OPALIN: variants seen among roughly 807,000 people sequenced by gnomAD.
OPALIN encodes transmembrane protein 10.
A neutral mutation model predicts 17.8 loss-of-function variants in OPALIN; 15 were observed. The observed-to-expected ratio is 0.84, with a 90% CI of 0.56 to 1.29. The LOEUF is 1.29. Ranked by LOEUF, OPALIN falls within the 50% of genes most tolerant of loss-of-function variation. The pLI is 0.00. For synonymous variants in OPALIN, 62 were observed against 63.8 expected, an observed-to-expected ratio of 0.97 and a Z score of 0.14; for missense variants, 170 against 176.0, an observed-to-expected ratio of 0.97 and a Z score of 0.19.
intron 4 of OPALIN, among the ~76,000 whole-genome samples, chr10:96,349,414 C>T (rs1320417392): frequency 6.6e-6 from 1 of 152,208 alleles, no homozygotes; most frequent in Non-Finnish European, 1.5e-5. Context: ...ACCCACTGTA[C>T]AGACATGTGT....
At chr10:96,356,807 C>T (rs1244537516) in intron 1 of OPALIN, 1 of 839,554 alleles carries the variant, frequency 1.2e-6, no homozygotes, top group African/African-American at 1.8e-5. Flanking sequence ...TCACTTCTCC[C>T]CCTCTTGGCA....
intron 1 of OPALIN, chr10:96,356,815 G>GAT (rs1395624160): frequency 1.1e-6 from 1 of 899,240 alleles, no homozygotes; most frequent in East Asian, 1.2e-4. Flanking sequence ...CCCCCTCTTG[G>GAT]CAATAGGACA....
At position 96,355,252 on chromosome 10, in the gene OPALIN, T is replaced by C. The variant is rs1242105024; in HGVS notation, c.39+3A>G. 6.8e-6 allele frequency: 11 copies of C among 1,613,840 alleles called. No homozygotes were observed. The highest frequency in any genetic ancestry group is 8.5e-6 in the Non-Finnish European group (10 of 1,179,892). ...CCTGGTGAATGGGGGCTGCTGTACTTACTGTGTTCGCCGGCAGGGTGAAGT... is the reference window on the plus strand; with the variant it reads ...CCTGGTGAATGGGGGCTGCTGTACTCACTGTGTTCGCCGGCAGGGTGAAGT... On this transcript the variant is annotated splice_donor_region_variant and intron_variant, in intron 2 of 5. Coordinates refer to ENST00000371172, the MANE Select transcript of OPALIN (RefSeq NM_033207.5).
At chr10:96,348,202 C>A in intron 5 of OPALIN, 87 bp downstream of exon 5, 2 of 628,462 alleles carry the variant, frequency 3.2e-6, no homozygotes, top group South Asian at 5.6e-5. Flanking sequence ...TGTGCTCATA[C>A]TGTGCTTCTT....
At position 96,346,008 on chromosome 10, in the gene OPALIN, C is replaced by A. The variant is rs143361128; in HGVS notation, c.359G>T (p.Arg120Leu). Residue 120 changes from arginine to leucine, a missense_variant, in exon 6 of 6, where the codon CGT (arginine) becomes CTT (leucine). Arg to Leu is a moderately radical substitution (Grantham distance 102). Coordinates refer to ENST00000371172, the MANE Select transcript of OPALIN (RefSeq NM_033207.5). ...GSEEPVHDRY[R>L]PTIEMERRRG... ...CCTTCTTTCCATTTCTATAGTAGGA[C>A]GGTAACGGTCATGCACAGGTTCCTC... is the stretch of plus-strand genomic sequence containing the variant. 3.1e-6 allele frequency: 5 copies of A among 1,614,162 alleles called. No homozygotes were observed. Among genetic ancestry groups the A allele is most frequent in the Non-Finnish European group, 4.2e-6 (5 of 1,180,000 alleles).
At position 96,346,061 on chromosome 10, in the gene OPALIN, G is replaced by A. The variant is rs745990123; in HGVS notation, c.306C>T (p.His102=). ...TTCCTGCTACAGTCTTCACATATAT[G>A]TGGGCCTCTTGTGCTCCCATCGTAT... ...EKNTMGAQEA[H]IYVKTVAGSE... The change falls in exon 6 of 6, where the codon CAC becomes CAT. Residue 102 remains histidine, a synonymous_variant. Coordinates refer to ENST00000371172, the MANE Select transcript of OPALIN (RefSeq NM_033207.5). 5.6e-6 allele frequency: 9 copies of A among 1,613,978 alleles called. No homozygotes were observed. In the African/African-American group the frequency reaches 1.2e-4, roughly 22 times the overall value.
At chr10:96,358,824 ATTGAAT>A in intron 1 of OPALIN, 64 bp downstream of exon 1, 1 of 1,498,200 alleles carries the variant, frequency 6.7e-7, no homozygotes, top group Admixed American at 1.7e-5. Context: ...TGTACATTTA[ATTGAAT>A]TTGGAGGTTT....
intron 1 of OPALIN, 48 bp downstream of exon 1, chr10:96,358,846 A>G (rs1054898263): frequency 1.9e-6 from 3 of 1,600,800 alleles, no homozygotes; most frequent in Non-Finnish European, 2.6e-6. Context: ...GGTTTTTTAT[A>G]GTAAGAAATG....
At chr10:96,352,786 G>A (rs1845641288) in intron 2 of OPALIN, among the ~76,000 whole-genome samples, 1 of 152,068 alleles carries the variant, frequency 6.6e-6, no homozygotes, top group African/African-American at 2.4e-5. Flanking sequence ...AGTGGACCTT[G>A]GAACGGGGAA....
In OPALIN at chr10:96,349,743, CA is replaced by C. The variant is rs1845494214; in HGVS notation, c.155del (p.Leu52Ter). 2 of 1,613,944 alleles carry C rather than the reference CA, an allele frequency of 1.2e-6. No individual in the cohort carries two copies. Among genetic ancestry groups the C allele is most frequent in the East Asian group, 4.5e-5 (2 of 44,882 alleles). ...CAATGCTGCTTCTTCTTCGGTGAAT[CA>C]AAGTAAATAGTAAAGCCACCAGCAG... ...TALLVALLFT[L>X]IHRRRSSIEA... is the part of the protein sequence containing the mutation. On this transcript the variant is annotated frameshift_variant, in exon 4 of 6. Transcript: ENST00000371172. LOFTEE classifies it high-confidence loss of function.
chr10:96,350,701 CAAA>C (rs956133569), intron 3 of OPALIN, among the ~76,000 whole-genome samples: 1 of 151,904 alleles, frequency 6.6e-6, no homozygotes, highest in African/African-American at 2.4e-5. Context: ...TTTAGCCTTT[CAAA>C]AAAAATTTAT....
At chr10:96,347,893 C>T (rs1195027216) in intron 5 of OPALIN, among the ~76,000 whole-genome samples, 2 of 152,202 alleles carry the variant, frequency 1.3e-5, no homozygotes, top group African/African-American at 4.8e-5. Flanking sequence ...ATGCTTTCAA[C>T]ATTTTACTGT....
chr10:96,349,665 G>A (rs1198474745), intron 4 of OPALIN, 42 bp downstream of exon 4: 1 of 1,590,392 alleles, frequency 6.3e-7, no homozygotes, highest in Non-Finnish European at 8.6e-7. Flanking sequence ...TGAAATACTG[G>A]TGGCTGCCTA....
In OPALIN at chr10:96,346,114, G is replaced by A; in HGVS notation, c.253C>T (p.Pro85Ser). The A allele has an allele frequency of 6.2e-7, 1 of 1,612,904 alleles. No homozygotes were observed. The highest frequency in any genetic ancestry group is 8.5e-7 in the Non-Finnish European group (1 of 1,179,428). Residue 85 changes from proline (P) to serine (S), a missense_variant, in exon 6 of 6, where the codon CCT becomes TCT. Transcript: ENST00000371172. ...IDDNPKISEN[P>S]RRSPTHEKNT... is the part of the protein sequence containing the mutation. Reference sequence around the variant, plus strand: ...TTCTCATGTGTGGGTGATCTCCTAGGATTCTTAAGGAAACAAATAGGTTTT... The same window carrying A: ...TTCTCATGTGTGGGTGATCTCCTAGAATTCTTAAGGAAACAAATAGGTTTT...
At chr10:96,353,185 T>C (rs1039167943) in intron 2 of OPALIN, among the ~76,000 whole-genome samples, 3 of 152,224 alleles carry the variant, frequency 2.0e-5, no homozygotes, top group Non-Finnish European at 4.4e-5. Flanking sequence ...ATGGCCTCCA[T>C]GGCCTAATGC....
intron 2 of OPALIN, among the ~76,000 whole-genome samples, chr10:96,352,426 A>C (rs184000147): frequency 6.6e-6 from 1 of 152,124 alleles, no homozygotes; most frequent in East Asian, 1.9e-4. Flanking sequence ...CTGAACTTGG[A>C]TGTTTGACTT....
At chr10:96,354,373 T>C (rs993985304) in intron 2 of OPALIN, among the ~76,000 whole-genome samples, 6 of 152,228 alleles carry the variant, frequency 3.9e-5, no homozygotes, top group Non-Finnish European at 5.9e-5. Context: ...TTAGAATACA[T>C]ACAAGGAAAT....
intron 4 of OPALIN, 75 bp from the exon 5 acceptor site, chr10:96,348,420 A>G (rs1845431915): frequency 2.8e-6 from 2 of 704,760 alleles, no homozygotes; most frequent in South Asian, 2.0e-5. Flanking sequence ...GACCGTAACT[A>G]TGATTAAAAT....
At chr10:96,353,413 A>G in intron 2 of OPALIN, 1 of 1,613,564 alleles carries the variant, frequency 6.2e-7, no homozygotes, top group South Asian at 1.1e-5. Flanking sequence ...AGGGTTATGC[A>G]GTAGAAATGT....
Sources: allele counts gnomAD v4.1 joint callset (sites outside exome capture counted in the v4.1 genomes callset), GRCh38; gene constraint gnomAD v4.1.1; transcripts MANE v1.5; gene names NCBI Gene and HGNC (gene_info 2026-07-23, HGNC 2026-07-21).